CSMD3: variants seen among roughly 807,000 people sequenced by gnomAD.
CSMD3 encodes CUB and Sushi multiple domains 3, also known as CUB and sushi domain-containing protein 3.
In CSMD3, 177 loss-of-function variants were observed where a neutral mutation model predicts 435.2. The observed-to-expected ratio is 0.41, with a 90% CI of 0.36 to 0.46. CSMD3 has a LOEUF of 0.46. CSMD3 is among the 20% of genes least tolerant of loss of function. CSMD3 has a pLI of 0.34. For synonymous variants in CSMD3, 1,656 were observed against 1,520.5 expected (o/e 1.09, Z -2.07); for missense variants, 4,265 against 4,504.6 (o/e 0.95, Z 1.52).
chr8:112,982,537 A>C (rs1247721705), intron 6 of CSMD3, among the ~76,000 whole-genome samples: 1 of 151,900 alleles, frequency 6.6e-6, no homozygotes, highest in East Asian at 1.9e-4. Flanking sequence ...CGTCACACAC[A>C]CTTGTTTCAT....
chr8:112,337,514 T>C lies in CSMD3; in HGVS notation c.6841+29A>G. ...AATATTAAAAACAGATGACATCACC[T>C]AAAAGATAGCTTCAAGTTAGAAGCA... is the stretch of plus-strand genomic sequence containing the variant. On this transcript the variant is annotated intron_variant, in intron 43 of 70. Transcript: ENST00000297405. 6 of 1,581,904 alleles carry C rather than the reference T, an allele frequency of 3.8e-6. No homozygotes were observed. The African/African-American group carries it at 8.1e-5, about 21-fold the overall frequency.
intron 13 of CSMD3, among the ~76,000 whole-genome samples, chr8:112,702,863 T>C (rs1254633010): frequency 6.6e-6 from 1 of 152,104 alleles, no homozygotes; most frequent in Non-Finnish European, 1.5e-5. Flanking sequence ...GCTGTGGTTA[T>C]CATTCCTGAA....
At chr8:112,529,327 G>A (rs1825295858) in intron 27 of CSMD3, among the ~76,000 whole-genome samples, 1 of 152,160 alleles carries the variant, frequency 6.6e-6, no homozygotes, top group Admixed American at 6.6e-5. Context: ...ATGCGGTACA[G>A]TGGCTCACAC....
intron 1 of CSMD3, among the ~76,000 whole-genome samples, chr8:113,333,553 C>A (rs2094044321): frequency 6.6e-6 from 1 of 151,698 alleles, no homozygotes; most frequent in Non-Finnish European, 1.5e-5. Context: ...AAATGAAATG[C>A]TTTTATACCT....
At chr8:113,012,110 T>C (rs998364149) in intron 6 of CSMD3, among the ~76,000 whole-genome samples, 4 of 151,852 alleles carry the variant, frequency 2.6e-5, no homozygotes, top group African/African-American at 9.7e-5. Context: ...AAATACTACA[T>C]ACCAATGAAA....
chr8:112,594,374 C>T (rs1023371806), intron 22 of CSMD3, among the ~76,000 whole-genome samples: 17 of 152,108 alleles, frequency 1.1e-4, no homozygotes, highest in African/African-American at 4.1e-4. Context: ...CCTACGCCCA[C>T]AGAGTCTCGC....
chr8:112,806,783 A>C (rs1369287733), intron 12 of CSMD3, among the ~76,000 whole-genome samples: 1 of 152,152 alleles, frequency 6.6e-6, no homozygotes, highest in East Asian at 1.9e-4. Context: ...TCACAAACCT[A>C]TACCACTACT....
chr8:112,349,585 AAC>A (rs931428145), intron 40 of CSMD3, among the ~76,000 whole-genome samples: 4 of 151,922 alleles, frequency 2.6e-5, no homozygotes, highest in African/African-American at 9.7e-5. Context: ...TATACACATA[AAC>A]ACACACACAC....
chr8:112,675,454 T>C (rs1308179349), intron 16 of CSMD3, among the ~76,000 whole-genome samples: 1 of 152,134 alleles, frequency 6.6e-6, no homozygotes, highest in East Asian at 1.9e-4. Context: ...AATATTCATT[T>C]CCATTTTTGT....
At chr8:112,252,354 T>C (rs1815342459) in intron 63 of CSMD3, among the ~76,000 whole-genome samples, 1 of 151,770 alleles carries the variant, frequency 6.6e-6, no homozygotes, top group African/African-American at 2.4e-5. Flanking sequence ...GGAGAGAAAA[T>C]ATGAAGTAGA....
chr8:113,081,522 C>T (rs1034439679), intron 5 of CSMD3, among the ~76,000 whole-genome samples: 3 of 152,096 alleles, frequency 2.0e-5, no homozygotes, highest in African/African-American at 4.8e-5. Flanking sequence ...CTCAGCACCC[C>T]GATACCCTGA....
chr8:112,451,316 G>A (rs1050095094), intron 32 of CSMD3, among the ~76,000 whole-genome samples: 1 of 151,728 alleles, frequency 6.6e-6, no homozygotes, highest in Admixed American at 6.6e-5. Flanking sequence ...TTTAAAATAA[G>A]AGGAAATGGC....
At chr8:113,372,185 G>C (rs541184712) in intron 1 of CSMD3, among the ~76,000 whole-genome samples, 1 of 151,970 alleles carries the variant, frequency 6.6e-6, no homozygotes, top group Admixed American at 6.6e-5. Context: ...AGTTCCCCAA[G>C]GTATTTTGTA....
intron 4 of CSMD3, among the ~76,000 whole-genome samples, chr8:113,167,826 T>A (rs1417313759): frequency 6.6e-6 from 1 of 152,194 alleles, no homozygotes; most frequent in Non-Finnish European, 1.5e-5. Flanking sequence ...GCATCAAATA[T>A]AACTGCTCAC....
At chr8:113,377,866 A>C (rs1370069351) in intron 1 of CSMD3, among the ~76,000 whole-genome samples, 1 of 152,210 alleles carries the variant, frequency 6.6e-6, no homozygotes, top group Admixed American at 6.5e-5. Context: ...ACCTGGATGA[A>C]AAAATATTAA....
chr8:113,275,504 T>C (rs2093562926), intron 3 of CSMD3, among the ~76,000 whole-genome samples: 1 of 152,102 alleles, frequency 6.6e-6, no homozygotes, highest in Non-Finnish European at 1.5e-5. Context: ...ATAAAGCTGA[T>C]GCATGTGGTT....
chr8:112,538,894 G>A (rs558997515), intron 27 of CSMD3: 1 of 151,924 alleles, frequency 6.6e-6, no homozygotes, highest in African/African-American at 2.4e-5. Context: ...GGAAGATGGG[G>A]GCCACAAAGA....
chr8:112,283,793 T>C (rs1041889229), intron 58 of CSMD3, among the ~76,000 whole-genome samples: 2 of 151,756 alleles, frequency 1.3e-5, no homozygotes, highest in Non-Finnish European at 3.0e-5. Flanking sequence ...TAGTTCTATG[T>C]TTAAGATAAA....
In CSMD3 at chr8:112,433,703, GA is replaced by G. The variant is rs1484614741; in HGVS notation, c.5396-24672del. Among the ~76,000 whole-genome samples the G allele has an allele frequency of 2.5e-3, 344 of 136,960 alleles. 1 individual carries two copies. The highest frequency in any genetic ancestry group is 4.6e-3 in the Non-Finnish European group (282 of 61,304). 89.9% of individuals were successfully genotyped at this position (136,960 alleles called of 152,430 possible). A position where few individuals can be genotyped will look rare whatever the true frequency, so the allele number is the denominator to read the frequency against. On this transcript the variant is annotated intron_variant, in intron 32 of 70. Coordinates refer to ENST00000297405, the MANE Select transcript of CSMD3 (RefSeq NM_198123.2). ...AAAGAAAGAAAAAAGAAAAGAAGAA[GA>G]AAAAAACCTACAACAAACCTATTTG...
Sources: gnomAD v4.1 joint callset for allele counts (sites outside exome capture counted in the v4.1 genomes callset) on GRCh38, gnomAD v4.1.1 for gene constraint, MANE v1.5 for transcripts, NCBI Gene and HGNC (gene_info 2026-07-23, HGNC 2026-07-21) for gene names.